NOX5: variants seen among roughly 807,000 people sequenced by gnomAD.
NOX5 encodes the protein NADPH oxidase 5, also known as NADPH oxidase, EF-hand calcium binding domain 5.
A neutral mutation model predicts 85.7 loss-of-function variants in NOX5; 76 were observed. That is an observed-to-expected ratio of 0.89 (90% CI 0.74 to 1.07). The LOEUF is 1.07. NOX5 is among the 50% of genes least tolerant of loss of function. The pLI, the probability that NOX5 is intolerant of heterozygous loss-of-function variation, is 0.00. For missense variants in NOX5, 973 were observed against 999.5 expected (o/e 0.97, Z 0.36); for synonymous variants, 405 against 401.4 (o/e 1.01, Z -0.11).
At chr15:69,017,767 A>G (rs552544952) in intron 1 of NOX5, among the ~76,000 whole-genome samples, 2 of 149,790 alleles carry the variant, frequency 1.3e-5, no homozygotes. Context: ...CTTTGTTGAT[A>G]TATTTTATAC....
chr15:69,015,803 G>A (rs925476896), intron 1 of NOX5, among the ~76,000 whole-genome samples: 1 of 151,866 alleles, frequency 6.6e-6, no homozygotes, highest in South Asian at 2.1e-4. Context: ...CTTTGGGGGG[G>A]CAGTGATGGG....
Position 69,048,997 on chromosome 15 carries a change from C to A in NOX5, c.1938C>A (p.Phe646Leu). ...GGATCAACAGAGACCAGCGGTCTTT[C>A]GAGTGGTTTGTGAGCCTGCTGACTA... is the stretch of plus-strand genomic sequence containing the variant. ...FIWINRDQRS[F>L]EWFVSLLTKL... The change falls in exon 14 of 16, where the codon TTC (phenylalanine) becomes TTA (leucine). Residue 646 changes from phenylalanine to leucine, a missense_variant. Phe to Leu is a conservative substitution (Grantham distance 22). Coordinates refer to ENST00000388866, the MANE Select transcript of NOX5 (RefSeq NM_024505.4). 1 of 1,612,890 alleles carries A rather than the reference C, an allele frequency of 6.2e-7. No homozygotes were observed. The highest frequency in any genetic ancestry group is 8.5e-7 in the Non-Finnish European group (1 of 1,179,626).
rs768203012 is a variant in NOX5 at position 69,031,487 on chromosome 15, G to A, written c.326-31G>A. On this transcript the variant is annotated intron_variant, in intron 3 of 15. Coordinates refer to ENST00000388866, the MANE Select transcript of NOX5 (RefSeq NM_024505.4). ...CTGACTGGCAGAAAGCTGGAGGTGG[G>A]TAAACAGAAGAGGCCCACCACTTCT... The A allele has an allele frequency of 1.3e-5, 20 of 1,580,960 alleles. No homozygotes were observed. In the Middle Eastern group the frequency reaches 5.0e-4, roughly 40 times the overall value.
chr15:69,024,578 A>G (rs1472575605), intron 1 of NOX5, among the ~76,000 whole-genome samples: 3 of 152,044 alleles, frequency 2.0e-5, no homozygotes, highest in Non-Finnish European at 4.4e-5. Flanking sequence ...TTTCAGAGAG[A>G]CCACATTTAC....
intron 1 of NOX5, among the ~76,000 whole-genome samples, chr15:69,024,872 T>C (rs150404097): frequency 1.0e-3 from 155 of 152,312 alleles, no homozygotes; most frequent in Non-Finnish European, 2.0e-3. Context: ...TTTGACTTTT[T>C]TTGGTTTTCT....
At chr15:69,047,671 C>T in intron 12 of NOX5, 134 bp downstream of exon 12, 1 of 1,348,348 alleles carries the variant, frequency 7.4e-7, no homozygotes. Context: ...TCTTTCCTCT[C>T]CTGCTCTGCC....
intron 14 of NOX5, among the ~76,000 whole-genome samples, chr15:69,051,152 G>T (rs1395875496): frequency 3.3e-5 from 5 of 151,794 alleles, no homozygotes. Context: ...TAACATTCTG[G>T]CTGTCCTGGC....
rs34863888 is a variant in NOX5 at position 69,047,940 on chromosome 15, C to T, written c.1899+29C>T. The T allele has an allele frequency of 5.5e-3, 8,885 of 1,601,200 alleles. 32 individuals are homozygous for T. Among genetic ancestry groups the T allele is most frequent in the Non-Finnish European group, 6.5e-3 (7,595 of 1,168,400 alleles). On this transcript the variant is annotated intron_variant, in intron 13 of 15. Coordinates refer to ENST00000388866, the MANE Select transcript of NOX5 (RefSeq NM_024505.4). The stretch of plus-strand genomic sequence containing the variant: ...AGTACCACCTCCTGCAGGCAGGCCT[C>T]CAGACCTTCTCCCCTGGACAACTCC...
At chr15:69,053,722 G>A (rs1313092002) in intron 14 of NOX5, among the ~76,000 whole-genome samples, 2 of 152,148 alleles carry the variant, frequency 1.3e-5, no homozygotes, top group African/African-American at 4.8e-5. Flanking sequence ...AACCATGCCA[G>A]GTCATCCTCC....
rs145542415 is a variant in NOX5, at chr15:69,038,881, C to A, written c.1396C>A (p.Pro466Thr). 8.5e-4 allele frequency: 1,364 copies of A among 1,614,164 alleles called. No individual in the cohort carries two copies. The highest frequency in any genetic ancestry group is 1.1e-3 in the Non-Finnish European group (1,263 of 1,180,008). ...SKVTHLLIKRPPFFHYRPGDY... is the reference protein window; with the variant it reads ...SKVTHLLIKRTPFFHYRPGDY... ...GGTCACTCATCTCCTCATCAAGCGG[C>A]CCCCTTTTTTTCACTATAGACCTGG... Residue 466 changes from proline to threonine, a missense_variant, in exon 9 of 16, where the codon CCC (proline) becomes ACC (threonine). By Grantham distance (38) the Pro-to-Thr change is conservative (BLOSUM62 -1). Coordinates refer to ENST00000388866, the MANE Select transcript of NOX5 (RefSeq NM_024505.4).
Position 69,056,733 on chromosome 15 carries a change from T to C in NOX5, c.*37T>C. 6.2e-7 allele frequency: 1 copy of C among 1,609,460 alleles called. No individual in the cohort carries two copies. Among genetic ancestry groups the C allele is most frequent in the South Asian group, 1.1e-5 (1 of 90,360 alleles). On this transcript the variant is annotated 3_prime_UTR_variant, in exon 16 of 16. Coordinates refer to ENST00000388866, the MANE Select transcript of NOX5 (RefSeq NM_024505.4). ...CAAGCTCTGCCCCAAGTCCACACCA[T>C]GGGTCTGCTTCATTGCATTAGTATA...
chr15:69,014,786 G>A lies in NOX5; in HGVS notation c.50+1G>A. On this transcript the variant is annotated splice_donor_variant, in intron 1 of 15. Transcript: ENST00000388866. LOFTEE classifies it high-confidence loss of function. ...AGACGGGCCCTGAAGGCTGTAGAGG[G>A]TGAGTGGCTCATTTGTCCAGCTTTC... 3 of 1,546,836 alleles carry A rather than the reference G, an allele frequency of 1.9e-6. No homozygotes were observed. The highest frequency in any genetic ancestry group is 2.6e-6 in the Non-Finnish European group (3 of 1,143,518).
chr15:69,020,899 C>A (rs982745186), intron 1 of NOX5, among the ~76,000 whole-genome samples: 2 of 151,934 alleles, frequency 1.3e-5, no homozygotes, highest in Non-Finnish European at 2.9e-5. Flanking sequence ...TTATCAGGTG[C>A]TTCCTTAGCA....
rs1195136538 is a variant in NOX5 at position 69,032,897 on chromosome 15, A to T, written c.621-146A>T. On this transcript the variant is annotated intron_variant, in intron 4 of 15. Transcript: ENST00000388866. ...GGAGCTGTGCGACTGTGACCAAGCCACTTGACCTCTCTGTTTCCTGGTGTG... is the reference window on the plus strand; with the variant it reads ...GGAGCTGTGCGACTGTGACCAAGCCTCTTGACCTCTCTGTTTCCTGGTGTG... 4 of 1,128,354 alleles carry T rather than the reference A, an allele frequency of 3.5e-6. No individual in the cohort carries two copies. The African/African-American group carries it at 6.6e-5, about 19-fold the overall frequency. The allele number at this position is 1,128,354 out of a possible 1,614,324, so 69.9% of individuals were successfully genotyped here.
chr15:69,049,146 A>C, intron 14 of NOX5, 88 bp downstream of exon 14: 1 of 738,012 alleles, frequency 1.4e-6, no homozygotes, highest in Non-Finnish European at 2.1e-6. Flanking sequence ...TATGAAACTC[A>C]CGTAACCTAA....
In NOX5 at chr15:69,060,203, A is replaced by C. The variant is rs1036016087; in HGVS notation, c.*3507A>C. 1.3e-5 allele frequency: 2 copies of C among 152,272 alleles called. No individual in the cohort carries two copies. The highest frequency in any genetic ancestry group is 2.9e-5 in the Non-Finnish European group (2 of 68,080). The allele number at this position is 152,272 out of a possible 1,614,324, so 9.4% of individuals were successfully genotyped here. A position where few individuals can be genotyped will look rare whatever the true frequency, so the allele number is the denominator to read the frequency against. ...TGGACGAGCGGCACAAGTGCAGGCT[A>C]TTAATACACTGAGCTGGGGCATTCG... On this transcript the variant is annotated 3_prime_UTR_variant, in exon 16 of 16. Transcript: ENST00000388866.
At chr15:69,047,960 A>T (rs2050696643) in intron 13 of NOX5, 49 bp downstream of exon 13, 1 of 1,548,670 alleles carries the variant, frequency 6.5e-7, no homozygotes, top group Admixed American at 1.7e-5. Context: ...TCCCCTGGAC[A>T]ACTCCTAAAA....
At chr15:69,025,337 C>T (rs911295461) in intron 1 of NOX5, among the ~76,000 whole-genome samples, 9 of 152,256 alleles carry the variant, frequency 5.9e-5, no homozygotes, top group Non-Finnish European at 8.8e-5. Context: ...TAGAGAGCAC[C>T]GCAACATTAT....
chr15:69,024,221 T>A (rs533474418), intron 1 of NOX5: 2 of 152,116 alleles, frequency 1.3e-5, no homozygotes, highest in African/African-American at 4.8e-5. Context: ...ACATAAAAAA[T>A]GAGACCATAA....
Sources: allele counts gnomAD v4.1 joint callset (sites outside exome capture counted in the v4.1 genomes callset), GRCh38; gene constraint gnomAD v4.1.1; transcripts MANE v1.5; gene names NCBI Gene and HGNC (gene_info 2026-07-23, HGNC 2026-07-21).